Variants in SLC25A28 observed in about 807,000 individuals in gnomAD.
SLC25A28 encodes the protein mitoferrin-2.
In SLC25A28, 10 loss-of-function variants were observed where a neutral mutation model predicts 31.9. The observed-to-expected ratio is 0.31, with a 90% CI of 0.19 to 0.53. The LOEUF is 0.53. Among genes scored for constraint, SLC25A28 ranks in the 20% least tolerant of loss-of-function variants. The pLI is 0.95. For synonymous variants in SLC25A28, 208 were observed against 203.6 expected (o/e 1.02, Z -0.19); for missense variants, 256 against 490.3 (o/e 0.52, Z 4.51).
intron 3 of SLC25A28, 91 bp downstream of exon 3, chr10:99,612,452 T>C (rs1042760621): frequency 4.1e-6 from 6 of 1,462,922 alleles, no homozygotes; most frequent in Non-Finnish European, 5.7e-6. Context: ...GGTAACAGAA[T>C]TTCCCACCAA....
chr10:99,619,945 C>A, intron 1 of SLC25A28, 100 bp downstream of exon 1: 1 of 1,263,592 alleles, frequency 7.9e-7, no homozygotes. Context: ...CAGGAAGGAA[C>A]CCATGTCGGC....
chr10:99,611,495 T>G lies in SLC25A28; in HGVS notation c.578-129A>C. ...GAGAGAGAAAAAAGTATGAGTGAGC[T>G]GCTGGCTAACCTGAGAAGTCAGCTT... On this transcript the variant is annotated intron_variant, in intron 3 of 3. Coordinates refer to ENST00000370495, the MANE Select transcript of SLC25A28 (RefSeq NM_031212.4). The surrounding 1 kb of genome is among the most constrained non-coding windows in gnomAD (Gnocchi z 5.5). 2 of 1,182,006 alleles carry G rather than the reference T, an allele frequency of 1.7e-6. No individual in the cohort carries two copies. Among genetic ancestry groups the G allele is most frequent in the Non-Finnish European group, 2.4e-6 (2 of 846,224 alleles). 73.2% of individuals were successfully genotyped at this position (1,182,006 alleles called of 1,614,324 possible). A position where few individuals can be genotyped will look rare whatever the true frequency, so the allele number is the denominator to read the frequency against.
the SLC25A28 span, among the ~76,000 whole-genome samples, chr10:99,628,006 C>T: frequency 7.9e-5 from 12 of 152,192 alleles, no homozygotes; most frequent in East Asian, 7.7e-4. Context: ...TTTACATCAC[C>T]GATACCAATC....
upstream of SLC25A28, among the ~76,000 whole-genome samples, chr10:99,625,409 A>G (rs961434323): frequency 3.3e-5 from 5 of 152,046 alleles, no homozygotes; most frequent in Non-Finnish European, 5.9e-5. Context: ...TCCTTTAGCT[A>G]GACACAGAGC....
chr10:99,622,437 A>C (rs1255227979), upstream of SLC25A28, among the ~76,000 whole-genome samples: 1 of 152,228 alleles, frequency 6.6e-6, no homozygotes, highest in Admixed American at 6.5e-5. Context: ...AACCCATTCA[A>C]TCCTGCTAGA....
At chr10:99,635,487 C>G in the SLC25A28 span, among the ~76,000 whole-genome samples, 127,654 of 151,978 alleles carry the variant, frequency 0.84, 53,857 homozygotes, top group Middle Eastern at 0.92. Context: ...TGAGACCATC[C>G]TGGCTAACGT....
the SLC25A28 span, among the ~76,000 whole-genome samples, chr10:99,651,383 C>T: frequency 1.7e-4 from 26 of 152,212 alleles, no homozygotes; most frequent in Admixed American, 1.3e-3. Context: ...GTGAAGTGCA[C>T]AAATCTTTCG....
intron 1 of SLC25A28, chr10:99,618,517 A>T: frequency 1.0e-6 from 1 of 985,412 alleles, no homozygotes; most frequent in Non-Finnish European, 1.2e-6. Context: ...AAGTCATTCA[A>T]CCTAGAGTCT....
chr10:99,647,285 G>T, the SLC25A28 span, among the ~76,000 whole-genome samples: 11 of 152,180 alleles, frequency 7.2e-5, no homozygotes, highest in African/African-American at 2.4e-4. Flanking sequence ...TACCAACAAA[G>T]TATAATTGTT....
chr10:99,643,545 T>G, the SLC25A28 span, among the ~76,000 whole-genome samples: 1 of 152,150 alleles, frequency 6.6e-6, no homozygotes, highest in African/African-American at 2.4e-5. Flanking sequence ...TTTTGAAGGG[T>G]TTTTTGTGTC....
At chr10:99,647,703 G>A in the SLC25A28 span, among the ~76,000 whole-genome samples, 2 of 152,156 alleles carry the variant, frequency 1.3e-5, no homozygotes, top group African/African-American at 4.8e-5. Flanking sequence ...GTTTGCTTTT[G>A]AGGACTTGGT....
chr10:99,618,532 A>C (rs2034708461), intron 1 of SLC25A28: 1 of 985,286 alleles, frequency 1.0e-6, no homozygotes, highest in Non-Finnish European at 1.2e-6. Context: ...GAGTCTATAC[A>C]TATAATGTGT....
chr10:99,628,772 G>T, the SLC25A28 span, among the ~76,000 whole-genome samples: 1 of 152,160 alleles, frequency 6.6e-6, no homozygotes, highest in Non-Finnish European at 1.5e-5. Context: ...AGTGAGCTGA[G>T]ATCACGCCAT....
the SLC25A28 span, among the ~76,000 whole-genome samples, chr10:99,645,524 G>A: frequency 1.3e-5 from 2 of 152,176 alleles, no homozygotes; most frequent in East Asian, 3.9e-4. Flanking sequence ...AGAGAAGTTT[G>A]TTATTACCGA....
At chr10:99,653,261 C>T in the SLC25A28 span, among the ~76,000 whole-genome samples, 1 of 152,094 alleles carries the variant, frequency 6.6e-6, no homozygotes, top group African/African-American at 2.4e-5. Flanking sequence ...TTAGGATCAC[C>T]CTGGGGGAAG....
intron 1 of SLC25A28, chr10:99,616,662 G>A: frequency 1.0e-6 from 1 of 985,244 alleles, no homozygotes; most frequent in Non-Finnish European, 1.2e-6. Context: ...ATATGTTCAG[G>A]GACAAGCTTT....
At chr10:99,612,406 A>C in intron 3 of SLC25A28, 137 bp downstream of exon 3, 2 of 965,748 alleles carry the variant, frequency 2.1e-6, no homozygotes, top group Non-Finnish European at 3.1e-6. Flanking sequence ...TTAGGTACCA[A>C]AAACATGGAG....
the SLC25A28 span, among the ~76,000 whole-genome samples, chr10:99,657,152 T>A: frequency 6.6e-6 from 1 of 152,202 alleles, no homozygotes; most frequent in Non-Finnish European, 1.5e-5. Flanking sequence ...ATATAGTTCA[T>A]AAACCATAGG....
At chr10:99,649,438 T>A in the SLC25A28 span, among the ~76,000 whole-genome samples, 1 of 152,214 alleles carries the variant, frequency 6.6e-6, no homozygotes, top group Non-Finnish European at 1.5e-5. Flanking sequence ...CTTGTCTTGC[T>A]TTGGTATCAG....
Sources: allele counts gnomAD v4.1 joint callset (sites outside exome capture counted in the v4.1 genomes callset), GRCh38; gene constraint gnomAD v4.1.1; non-coding constraint Gnocchi (gnomAD v3.1); transcripts MANE v1.5; gene names NCBI Gene and HGNC (gene_info 2026-07-23, HGNC 2026-07-21).